KIRREL3: variants seen among roughly 807,000 people sequenced by gnomAD.
KIRREL3 encodes kin of IRRE-like protein 3.
A neutral mutation model predicts 89.7 loss-of-function variants in KIRREL3; 36 were observed. The ratio of observed to expected loss-of-function variants is 0.40; its 90% CI spans 0.31 to 0.53. The LOEUF (loss-of-function observed/expected upper bound fraction) is 0.53, where lower values mean the gene tolerates loss of function less well. KIRREL3 is among the 20% of genes least tolerant of loss of function. The pLI is 0.49. For missense variants in KIRREL3, 864 were observed against 1,056.6 expected, an observed-to-expected ratio of 0.82 and a Z score of 2.53; for synonymous variants, 445 against 441.4, an observed-to-expected ratio of 1.01 and a Z score of -0.10.
Position 126,685,437 on chromosome 11 carries a change from A to T in KIRREL3, c.56-122525T>A, listed in dbSNP as rs1946629951. ...GAGCGGGATTTCTCAGACACTGCTA[A>T]CTTCCCACCTCCACACAAGCTGATG... On this transcript the variant is annotated intron_variant, in intron 1 of 16. Transcript: ENST00000525144. This position sits in a 1 kb window ranked among gnomAD's most constrained non-coding sequence, Gnocchi z 5.5. Among the ~76,000 whole-genome samples, 1 of 152,190 alleles carries T rather than the reference A, an allele frequency of 6.6e-6. No individual in the cohort carries two copies. The highest frequency in any genetic ancestry group is 1.5e-5 in the Non-Finnish European group (1 of 68,024).
intron 1 of KIRREL3, among the ~76,000 whole-genome samples, chr11:126,958,214 T>C (rs1007104554): frequency 1.3e-5 from 2 of 152,208 alleles, no homozygotes; most frequent in Non-Finnish European, 2.9e-5. Context: ...AGTGTGACTA[T>C]GAAAGAATAA....
chr11:126,503,799 CTCTG>C (rs776640771), intron 4 of KIRREL3, among the ~76,000 whole-genome samples: 1 of 151,304 alleles, frequency 6.6e-6, no homozygotes, highest in Non-Finnish European at 1.5e-5. Context: ...CTCCTTCTCT[CTCTG>C]TCTCTCTCTC....
chr11:126,921,626 C>G (rs940398217), intron 1 of KIRREL3, among the ~76,000 whole-genome samples: 1 of 26,804 alleles, frequency 3.7e-5, no homozygotes, highest in African/African-American at 4.0e-4. Flanking sequence ...ATCTATCTTC[C>G]TATCTATCCA....
Position 126,723,387 on chromosome 11 carries a change from G to T in KIRREL3, c.56-160475C>A, listed in dbSNP as rs1408650983. Reference sequence around the variant, plus strand: ...GGAGGCTAGAAATAGGCAAAGAAGGGAGGGGACAGGCTCTGTTTCATTTCA... The same window carrying T: ...GGAGGCTAGAAATAGGCAAAGAAGGTAGGGGACAGGCTCTGTTTCATTTCA... On this transcript the variant is annotated intron_variant, in intron 1 of 16. Coordinates refer to ENST00000525144, the MANE Select transcript of KIRREL3 (RefSeq NM_032531.4). This position sits in a 1 kb window ranked among gnomAD's most constrained non-coding sequence, Gnocchi z 4.0. 6.6e-6 allele frequency among the ~76,000 whole-genome samples: 1 copy of T among 152,176 alleles called. No homozygotes were observed. Among genetic ancestry groups the T allele is most frequent in the African/African-American group, 2.4e-5 (1 of 41,448 alleles).
chr11:126,478,429 CTCAGAAGGGGAGTGGGGATGG>C (rs1957125224), intron 4 of KIRREL3, among the ~76,000 whole-genome samples: 1 of 152,006 alleles, frequency 6.6e-6, no homozygotes, highest in Non-Finnish European at 1.5e-5. Flanking sequence ...ATAAAAGAAT[CTCAGAAGGGGAGTGGGGATGG>C]GGCCGGGGGG....
chr11:126,921,622 CTTCCTATCTATCCATCCATCTTCCTGTG>C (rs1947306812), intron 1 of KIRREL3, among the ~76,000 whole-genome samples: 3 of 107,266 alleles, frequency 2.8e-5, no homozygotes, highest in African/African-American at 1.1e-4. Context: ...ATCTATCTAT[CTTCCTATCTATCCATCCATCTTCCTGTG>C]TTCCTATCTA....
At position 126,918,077 on chromosome 11, in the gene KIRREL3, C is replaced by T. The variant is rs1475015919; in HGVS notation, c.55+82378G>A. ...TGCATTCTCAGAAATACGAGATTGG[C>T]CCATAATGATATGCATGCCTCTCAG... is the stretch of plus-strand genomic sequence containing the variant. On this transcript the variant is annotated intron_variant, in intron 1 of 16. Coordinates refer to ENST00000525144, the MANE Select transcript of KIRREL3 (RefSeq NM_032531.4). The surrounding 1 kb of genome is among the most constrained non-coding windows in gnomAD (Gnocchi z 6.5). Among the ~76,000 whole-genome samples the T allele has an allele frequency of 6.6e-6, 1 of 152,132 alleles. No homozygotes were observed. Among genetic ancestry groups the T allele is most frequent in the Non-Finnish European group, 1.5e-5 (1 of 68,024 alleles).
rs1177175538 is a variant in KIRREL3 at position 126,614,180 on chromosome 11, G to T, written c.56-51268C>A. On this transcript the variant is annotated intron_variant, in intron 1 of 16. Transcript: ENST00000525144. The surrounding 1 kb of genome is among the most constrained non-coding windows in gnomAD (Gnocchi z 4.6). ...GGGGGATTAACATGTGCGCTTTAAG[G>T]GTTGGAAAAGTTCGATCTATTGTCG... 2.6e-5 allele frequency among the ~76,000 whole-genome samples: 4 copies of T among 152,006 alleles called. No individual in the cohort carries two copies. The highest frequency in any genetic ancestry group is 4.2e-4 in the South Asian group (2 of 4,816).
In KIRREL3 at chr11:126,520,997, C is replaced by T. The variant is rs959793675; in HGVS notation, c.433+318G>A. Among the ~76,000 whole-genome samples the T allele has an allele frequency of 7.9e-5, 12 of 152,318 alleles. No homozygotes were observed. The highest frequency in any genetic ancestry group is 3.9e-4 in the East Asian group (2 of 5,180). ...CTGGCACGGAGCCTAGCCTAGATAACGTGTGCAGAGCATGCTTTCTGATGG... is the reference window on the plus strand; with the variant it reads ...CTGGCACGGAGCCTAGCCTAGATAATGTGTGCAGAGCATGCTTTCTGATGG... On this transcript the variant is annotated intron_variant, in intron 4 of 16. Coordinates refer to ENST00000525144, the MANE Select transcript of KIRREL3 (RefSeq NM_032531.4). This position sits in a 1 kb window ranked among gnomAD's most constrained non-coding sequence, Gnocchi z 4.9.
At position 126,432,496 on chromosome 11, in the gene KIRREL3, G is replaced by A. The variant is rs1400530626; in HGVS notation, c.1589-970C>T. 6.6e-6 allele frequency among the ~76,000 whole-genome samples: 1 copy of A among 152,160 alleles called. No homozygotes were observed. Among genetic ancestry groups the A allele is most frequent in the East Asian group, 1.9e-4 (1 of 5,192 alleles). ...GGGGCTCTCACTGAGGTCCGGAGAA[G>A]TCAAGTGATTTGGCCAAGGACACAC... is the stretch of plus-strand genomic sequence containing the variant. On this transcript the variant is annotated intron_variant, in intron 13 of 16. Transcript: ENST00000525144. This position sits in a 1 kb window ranked among gnomAD's most constrained non-coding sequence, Gnocchi z 6.2.
At position 126,575,852 on chromosome 11, in the gene KIRREL3, C is replaced by T. The variant is rs2134644914; in HGVS notation, c.56-12940G>A. ...TCTCCTCTGTGTGTGGCCTTCTCCACCCCTACCCTTGCAGATGGGCATCCC... is the reference window on the plus strand; with the variant it reads ...TCTCCTCTGTGTGTGGCCTTCTCCATCCCTACCCTTGCAGATGGGCATCCC... On this transcript the variant is annotated intron_variant, in intron 1 of 16. Coordinates refer to ENST00000525144, the MANE Select transcript of KIRREL3 (RefSeq NM_032531.4). This position sits in a 1 kb window ranked among gnomAD's most constrained non-coding sequence, Gnocchi z 7.0. Among the ~76,000 whole-genome samples, 1 of 152,284 alleles carries T rather than the reference C, an allele frequency of 6.6e-6. No individual in the cohort carries two copies. The highest frequency in any genetic ancestry group is 2.1e-4 in the South Asian group (1 of 4,830).
rs530888309 is a variant in KIRREL3 at position 126,587,105 on chromosome 11, C to T, written c.56-24193G>A. Reference sequence around the variant, plus strand: ...ACGACGATGCAGTGTGATGGATGCTCCAGTGGAAGAGTCCAGAGCACCGGG... The same window carrying T: ...ACGACGATGCAGTGTGATGGATGCTTCAGTGGAAGAGTCCAGAGCACCGGG... On this transcript the variant is annotated intron_variant, in intron 1 of 16. Transcript: ENST00000525144. This position sits in a 1 kb window ranked among gnomAD's most constrained non-coding sequence, Gnocchi z 5.2. Among the ~76,000 whole-genome samples, 1 of 152,080 alleles carries T rather than the reference C, an allele frequency of 6.6e-6. No individual in the cohort carries two copies. The highest frequency in any genetic ancestry group is 1.5e-5 in the Non-Finnish European group (1 of 68,016).
intron 2 of KIRREL3, among the ~76,000 whole-genome samples, chr11:126,546,836 C>T (rs1938847870): frequency 6.6e-6 from 1 of 152,164 alleles, no homozygotes; most frequent in African/African-American, 2.4e-5. Context: ...CTCCTTACAA[C>T]AAATGCGTGG....
Position 126,513,066 on chromosome 11 carries a change from A to T in KIRREL3, c.433+8249T>A, listed in dbSNP as rs148285153. 2.8e-3 allele frequency among the ~76,000 whole-genome samples: 428 copies of T among 151,998 alleles called. 2 individuals are homozygous for T. Among genetic ancestry groups the T allele is most frequent in the African/African-American group, 9.4e-3 (388 of 41,480 alleles). ...CTGGAGAGTTTCCAATGCCCTGGGG[A>T]TGGTGGTGACACACTCCAGAACTTC... On this transcript the variant is annotated intron_variant, in intron 4 of 16. Coordinates refer to ENST00000525144, the MANE Select transcript of KIRREL3 (RefSeq NM_032531.4). The surrounding 1 kb of genome is among the most constrained non-coding windows in gnomAD (Gnocchi z 5.9).
In KIRREL3 at chr11:126,528,271, G is replaced by A. The variant is rs896653615; in HGVS notation, c.134-1584C>T. On this transcript the variant is annotated intron_variant, in intron 2 of 16. Coordinates refer to ENST00000525144, the MANE Select transcript of KIRREL3 (RefSeq NM_032531.4). The surrounding 1 kb of genome is among the most constrained non-coding windows in gnomAD (Gnocchi z 4.6). ...GTCAGGGGCAGCCACAGACGTCCTG[G>A]ACACTGGCTGCTGCCCATCTTGGGG... 6.6e-6 allele frequency among the ~76,000 whole-genome samples: 1 copy of A among 152,216 alleles called. No individual in the cohort carries two copies. The highest frequency in any genetic ancestry group is 6.5e-5 in the Admixed American group (1 of 15,288).
chr11:126,456,239 G>T, intron 7 of KIRREL3, 110 bp downstream of exon 7: 1 of 718,014 alleles, frequency 1.4e-6, no homozygotes. Flanking sequence ...ACGCGGTGTG[G>T]ACTAGGCACA....
chr11:126,482,882 A>G (rs753523858), intron 4 of KIRREL3, among the ~76,000 whole-genome samples: 3 of 152,268 alleles, frequency 2.0e-5, no homozygotes, highest in South Asian at 4.1e-4. Flanking sequence ...GAGATGAGCC[A>G]TCTCAGCTGA....
At position 126,444,986 on chromosome 11, in the gene KIRREL3, G is replaced by A. The variant is rs1363634118; in HGVS notation, c.1245C>T (p.Thr415=). Residue 415 remains threonine, a synonymous_variant, in exon 10 of 17, where the codon ACC becomes ACT. Coordinates refer to ENST00000525144, the MANE Select transcript of KIRREL3 (RefSeq NM_032531.4). ...CCCCAGCGAGGGTCTTACCATTGAC[G>A]GTCAGGGTCACCTCTCTCTCCCCGG... ...VGAGEREVTL[T]VNGPPIISST... The A allele has an allele frequency of 3.7e-6, 6 of 1,613,568 alleles. No homozygotes were observed. Among genetic ancestry groups the A allele is most frequent in the Middle Eastern group, 1.6e-4 (1 of 6,084 alleles).
chr11:126,564,169 G>C lies in KIRREL3; in HGVS notation c.56-1257C>G, dbSNP rs1417343127. 6.6e-6 allele frequency among the ~76,000 whole-genome samples: 1 copy of C among 152,214 alleles called. No homozygotes were observed. Among genetic ancestry groups the C allele is most frequent in the African/African-American group, 2.4e-5 (1 of 41,450 alleles). ...TCTCAGAGAAAGAGGGTCCCAATGA[G>C]TGATGCATCACAGCACCTTCTCCCA... On this transcript the variant is annotated intron_variant, in intron 1 of 16. Coordinates refer to ENST00000525144, the MANE Select transcript of KIRREL3 (RefSeq NM_032531.4). This position sits in a 1 kb window ranked among gnomAD's most constrained non-coding sequence, Gnocchi z 7.4.
Sources: allele counts gnomAD v4.1 joint callset (sites outside exome capture counted in the v4.1 genomes callset), GRCh38; gene constraint gnomAD v4.1.1; non-coding constraint Gnocchi (gnomAD v3.1); transcripts MANE v1.5; gene names NCBI Gene and HGNC (gene_info 2026-07-23, HGNC 2026-07-21).